The following ITGA7 variants were observed in gnomAD, a reference collection of about 807,000 sequenced individuals.
ITGA7 encodes integrin alpha-7.
In ITGA7, 84 loss-of-function variants were observed where a neutral mutation model predicts 131.6. The observed-to-expected ratio is 0.64, with a 90% CI of 0.54 to 0.77. The LOEUF (loss-of-function observed/expected upper bound fraction) is 0.77, where lower values mean the gene tolerates loss of function less well. Ranked by LOEUF, ITGA7 falls within the 30% of genes least tolerant of loss-of-function variation. The pLI, the probability that ITGA7 is intolerant of heterozygous loss-of-function variation, is 0.00. For synonymous variants in ITGA7, 548 were observed against 600.7 expected, an observed-to-expected ratio of 0.91 and a Z score of 1.28; for missense variants, 1,399 against 1,482.9, an observed-to-expected ratio of 0.94 and a Z score of 0.93.
At chr12:55,708,218 G>C (rs1039283463), upstream of ITGA7, among the ~76,000 whole-genome samples, 6 of 152,210 alleles carry the variant, frequency 3.9e-5, no homozygotes, top group African/African-American at 1.4e-4. Context: ...TGAAACAGAG[G>C]AAGGAGGGTA....
chr12:55,688,722 CAAA>C (rs35887029), intron 22 of ITGA7, 119 bp downstream of exon 22: 1,221 of 612,416 alleles, frequency 2.0e-3, no homozygotes, highest in East Asian at 3.9e-3. Flanking sequence ...GACTCCGTCT[CAAA>C]AAAAAAAAAA....
chr12:55,714,284 G>A (rs1234249154), upstream of ITGA7, among the ~76,000 whole-genome samples: 5 of 151,964 alleles, frequency 3.3e-5, no homozygotes, highest in Non-Finnish European at 5.9e-5. Flanking sequence ...AGGCCGAGGC[G>A]GGCGGATCAC....
In ITGA7 at chr12:55,698,771, C is replaced by G. The variant is rs771348928; in HGVS notation, c.937G>C (p.Gly313Arg). 1.2e-6 allele frequency: 2 copies of G among 1,614,176 alleles called. No individual in the cohort carries two copies. The highest frequency in any genetic ancestry group is 1.1e-5 in the South Asian group (1 of 91,082). Residue 313 changes from glycine (G) to arginine (R), a missense_variant, in exon 6 of 25, where the codon GGG becomes CGG. Coordinates refer to ENST00000257879, the MANE Select transcript of ITGA7 (RefSeq NM_002206.3). ...SRLVPEVMLS[G>R]ERLTSGFGYS... ...CCAAAGCCGGAGGTCAGGCGCTCCC[C>G]AGACAGCATAACCTCGGGCACCAGG...
In ITGA7 at chr12:55,700,284, C is replaced by T. The variant is rs761948061; in HGVS notation, c.671-295G>A. 5.8e-5 allele frequency: 93 copies of T among 1,607,484 alleles called. 2 individuals carry two copies. In the South Asian group the frequency reaches 8.0e-4, roughly 14 times the overall value. On this transcript the variant is annotated intron_variant, in intron 4 of 24. Coordinates refer to ENST00000257879, the MANE Select transcript of ITGA7 (RefSeq NM_002206.3). ...TACCAAAGTAGCTGTTGGCAGGGAC[C>T]GGGATGAGGCGGGGGTCCTGCTCCT...
chr12:55,688,887 A>G lies in ITGA7; in HGVS notation c.2915T>C (p.Val972Ala). ...CCAGAGACGGCCCCAGACATGCAGC[A>G]CAGCCGCGCGGTCAAAGCTGTAGAG... ...CPLYSFDRAAVLHVWGRLWNS... is the reference protein window; with the variant it reads ...CPLYSFDRAAALHVWGRLWNS... Residue 972 changes from valine to alanine, a missense_variant, in exon 22 of 25, where the codon GTG (valine) becomes GCG (alanine). Physicochemically the swap from Val to Ala is moderately conservative, Grantham distance 64 (BLOSUM62 0). Coordinates refer to ENST00000257879, the MANE Select transcript of ITGA7 (RefSeq NM_002206.3). The G allele has an allele frequency of 6.2e-7, 1 of 1,614,046 alleles. No homozygotes were observed. Among genetic ancestry groups the G allele is most frequent in the Non-Finnish European group, 8.5e-7 (1 of 1,179,992 alleles).
At position 55,698,486 on chromosome 12, in the gene ITGA7, A is replaced by G; in HGVS notation, c.1089T>C (p.Gly363=). 6.2e-7 allele frequency: 1 copy of G among 1,613,318 alleles called. No homozygotes were observed. The highest frequency in any genetic ancestry group is 1.7e-4 in the Middle Eastern group (1 of 6,058). Residue 363 remains glycine (G), a synonymous_variant, in exon 7 of 25, where the codon GGT becomes GGC. Transcript: ENST00000257879. ...GGAGAGGGGAGATCCCAGCCCAGTG[A>G]CCCCCCTGGTTCAAGTACACATACA... ...GAVYVYLNQG[G]HWAGISPLRL... is the part of the protein sequence containing the mutation.
At chr12:55,706,450 A>G (rs982319491) in intron 1 of ITGA7, among the ~76,000 whole-genome samples, 1 of 152,172 alleles carries the variant, frequency 6.6e-6, no homozygotes, top group Non-Finnish European at 1.5e-5. Flanking sequence ...GAGGCAGAAG[A>G]CAGTCCCAGT....
At chr12:55,705,042 A>G (rs1001737818) in intron 1 of ITGA7, among the ~76,000 whole-genome samples, 2 of 152,192 alleles carry the variant, frequency 1.3e-5, no homozygotes, top group African/African-American at 4.8e-5. Flanking sequence ...ACTCATAGAG[A>G]TACCCAGTGT....
chr12:55,714,751 T>C (rs973140387), upstream of ITGA7, among the ~76,000 whole-genome samples: 4 of 150,848 alleles, frequency 2.7e-5, no homozygotes, highest in African/African-American at 9.7e-5. Context: ...TATATACGTA[T>C]ACATACATAT....
At chr12:55,700,432 A>C (rs760727149) in intron 4 of ITGA7, 24 of 1,577,258 alleles carry the variant, frequency 1.5e-5, no homozygotes, top group Non-Finnish European at 1.9e-5. Flanking sequence ...GGCAGGGCGC[A>C]AGGAACACCC....
upstream of ITGA7, chr12:55,716,113 C>A: frequency 6.2e-7 from 1 of 1,606,764 alleles, no homozygotes; most frequent in Middle Eastern, 1.7e-4. Flanking sequence ...CCCGGCGTAC[C>A]CAGCCCCCAG....
chr12:55,712,314 G>C, upstream of ITGA7: 1 of 1,394,782 alleles, frequency 7.2e-7, no homozygotes, highest in Non-Finnish European at 1.0e-6. Flanking sequence ...CTGGCTTCAG[G>C]CCAACATTTG....
chr12:55,695,704 G>C, intron 13 of ITGA7, 67 bp from the exon 14 acceptor site: 1 of 1,026,742 alleles, frequency 9.7e-7, no homozygotes, highest in Non-Finnish European at 1.5e-6. Context: ...TGTCACCATG[G>C]CATATGGTGG....
upstream of ITGA7, chr12:55,716,095 G>T: frequency 6.3e-7 from 1 of 1,593,554 alleles, no homozygotes; most frequent in Non-Finnish European, 8.5e-7. Flanking sequence ...TTCCGGAGCC[G>T]GAGGGGGCCC....
At chr12:55,697,189 G>A (rs377335373) in intron 11 of ITGA7, 27 bp downstream of exon 11, 81 of 1,585,840 alleles carry the variant, frequency 5.1e-5, no homozygotes, top group Non-Finnish European at 6.3e-5. Context: ...CCAAAAGGGC[G>A]AGCCACAGAG....
chr12:55,699,762 G>A (rs889130932), intron 5 of ITGA7, 108 bp downstream of exon 5: 1 of 1,349,678 alleles, frequency 7.4e-7, no homozygotes, highest in South Asian at 1.3e-5. Flanking sequence ...CTCCCTGGGT[G>A]TGTGTTGGGG....
chr12:55,711,572 A>G (rs897638333), upstream of ITGA7, among the ~76,000 whole-genome samples: 3 of 152,134 alleles, frequency 2.0e-5, no homozygotes, highest in African/African-American at 7.2e-5. Context: ...ACTCCACTCC[A>G]TGGAATAGAT....
upstream of ITGA7, among the ~76,000 whole-genome samples, chr12:55,711,068 C>G (rs1876065396): frequency 1.3e-5 from 2 of 152,086 alleles, no homozygotes; most frequent in South Asian, 4.1e-4. Context: ...AATACTGTAC[C>G]AATATCAACT....
chr12:55,695,569 G>A lies in ITGA7; in HGVS notation c.1956C>T (p.Ala652=), dbSNP rs765186458. 6.2e-7 allele frequency: 1 copy of A among 1,613,948 alleles called. No homozygotes were observed. Among genetic ancestry groups the A allele is most frequent in the Non-Finnish European group, 8.5e-7 (1 of 1,179,976 alleles). Residue 652 remains alanine, a synonymous_variant, in exon 14 of 25, where the codon GCC becomes GCT. Transcript: ENST00000257879. ...TGTCGCTGACCCGGGTACAGAAGCG[G>A]GCGCGGACCAGCTGCAGATTGCTCT... is the stretch of plus-strand genomic sequence containing the variant. ...ICQSNLQLVR[A]RFCTRVSDTE... is the part of the protein sequence containing the mutation.
Sources: gnomAD v4.1 joint callset for allele counts (sites outside exome capture counted in the v4.1 genomes callset) on GRCh38, gnomAD v4.1.1 for gene constraint, MANE v1.5 for transcripts, NCBI Gene and HGNC (gene_info 2026-07-23, HGNC 2026-07-21) for gene names.